LIG1: variants seen among roughly 807,000 people sequenced by gnomAD.
LIG1 encodes the protein ligase I, DNA, ATP-dependent.
LIG1 carries 70 observed loss-of-function variants against 115.7 expected under a neutral mutation model. The observed-to-expected ratio is 0.60, with a 90% CI of 0.50 to 0.74. LIG1 has a LOEUF of 0.74. Ranked by LOEUF, LIG1 falls within the 30% of genes least tolerant of loss-of-function variation. The pLI is 0.00. For missense variants in LIG1, 1,115 were observed against 1,225.6 expected, an observed-to-expected ratio of 0.91 and a Z score of 1.35; for synonymous variants, 487 against 495.3, an observed-to-expected ratio of 0.98 and a Z score of 0.22.
rs1402502877 is a variant in LIG1, at chr19:48,140,860, C to T, written c.915-717G>A. Among the ~76,000 whole-genome samples the T allele has an allele frequency of 2.0e-5, 3 of 152,300 alleles. No homozygotes were observed. In the East Asian group the frequency reaches 5.8e-4, roughly 29 times the overall value. ...CTACACGCCAAATTATCTTTAAAAA[C>T]TCTGCTCCCCACATGCTCAGGGAGA... On this transcript the variant is annotated intron_variant, in intron 11 of 27. Transcript: ENST00000263274.
chr19:48,152,614 C>T (rs2035548700), intron 6 of LIG1, among the ~76,000 whole-genome samples: 1 of 152,062 alleles, frequency 6.6e-6, no homozygotes, highest in African/African-American at 2.4e-5. Flanking sequence ...ACTCACTGGG[C>T]GCTGCAAGAT....
intron 21 of LIG1, chr19:48,126,999 C>A (rs768307595): frequency 8.4e-6 from 4 of 473,426 alleles, no homozygotes; most frequent in East Asian, 3.8e-5. Context: ...GATTCTCCTG[C>A]GTGCTTCTAC....
intron 5 of LIG1, among the ~76,000 whole-genome samples, chr19:48,155,638 G>T (rs2035785403): frequency 6.6e-6 from 1 of 152,140 alleles, no homozygotes; most frequent in African/African-American, 2.4e-5. Flanking sequence ...TAATAAAAAG[G>T]GGGAAAAAAC....
rs2034920280 is a variant in LIG1 at position 48,143,595 on chromosome 19, GA to G, written c.861del (p.Pro288LeufsTer25). 1.9e-6 allele frequency: 3 copies of G among 1,610,258 alleles called. No individual in the cohort carries two copies. The highest frequency in any genetic ancestry group is 2.5e-6 in the Non-Finnish European group (3 of 1,178,770). ...EDACWKPGQKVPYLAVARTFE... is the reference protein window; with the variant it reads ...EDACWKPGQKXPYLAVARTFE... ...AACGTCCGGGCCACAGCCAGGTAAG[GA>G]ACCCTAGGGAAGGAAAAGAGACGCA... On this transcript the variant is annotated frameshift_variant, in exon 11 of 28. Transcript: ENST00000263274. LOFTEE classifies it high-confidence loss of function.
chr19:48,137,346 C>G lies in LIG1; in HGVS notation c.1254+176G>C, dbSNP rs919291898. ...GCCATGGCATTAGGTCTGCTAGACT[C>G]TGAAGAGGAGACTCCCCTAGGATTG... On this transcript the variant is annotated intron_variant, in intron 13 of 27. Transcript: ENST00000263274. This position sits in a 1 kb window ranked among gnomAD's most constrained non-coding sequence, Gnocchi z 4.3. Among the ~76,000 whole-genome samples the G allele has an allele frequency of 6.6e-6, 1 of 152,224 alleles. No homozygotes were observed. Among genetic ancestry groups the G allele is most frequent in the Admixed American group, 6.5e-5 (1 of 15,280 alleles).
Position 48,122,885 on chromosome 19 carries a change from G to A in LIG1, c.2232+49C>T, listed in dbSNP as rs1345738593. The stretch of plus-strand genomic sequence containing the variant: ...CGAAATCCACTGCCTAGCTGGGACA[G>A]ACCTCCAGACCCGGGGTGGAGAAGG... On this transcript the variant is annotated intron_variant, in intron 23 of 27. Transcript: ENST00000263274. This position sits in a 1 kb window ranked among gnomAD's most constrained non-coding sequence, Gnocchi z 4.3. 3 of 1,545,890 alleles carry A rather than the reference G, an allele frequency of 1.9e-6. No homozygotes were observed. Among genetic ancestry groups the A allele is most frequent in the Admixed American group, 1.7e-5 (1 of 59,896 alleles).
intron 16 of LIG1, among the ~76,000 whole-genome samples, chr19:48,134,994 C>T (rs531167005): frequency 2.2e-4 from 33 of 152,346 alleles, no homozygotes; most frequent in African/African-American, 7.7e-4. Flanking sequence ...CCCTCGTGGC[C>T]GCTCCACGGA....
At chr19:48,160,686 G>C (rs1160581275) in intron 4 of LIG1, among the ~76,000 whole-genome samples, 1 of 151,926 alleles carries the variant, frequency 6.6e-6, no homozygotes, top group Non-Finnish European at 1.5e-5. Context: ...AAGTTAAAAA[G>C]CCCTCTGACC....
At chr19:48,120,925 C>T (rs2033220648) in intron 24 of LIG1, 1 of 1,345,842 alleles carries the variant, frequency 7.4e-7, no homozygotes, top group Admixed American at 3.5e-5. Flanking sequence ...TGAGCCACCA[C>T]TATTTGTAGC....
rs768325222 is a variant in LIG1 at position 48,157,043 on chromosome 19, G to A, written c.341C>T (p.Ser114Phe). ...SLSDTSPMDSSPSGIPKRRTA... is the reference protein window; with the variant it reads ...SLSDTSPMDSFPSGIPKRRTA... ...GCGACGCTTCGGAATCCCTGATGGG[G>A]AACTGTCCATGGGAGAGGTGTCAGA... The change falls in exon 5 of 28, where the codon TCC (serine) becomes TTC (phenylalanine). Residue 114 changes from serine to phenylalanine, a missense_variant. Coordinates refer to ENST00000263274, the MANE Select transcript of LIG1 (RefSeq NM_000234.3). 11 of 1,610,404 alleles carry A rather than the reference G, an allele frequency of 6.8e-6. No homozygotes were observed. Among genetic ancestry groups the A allele is most frequent in the Non-Finnish European group, 8.5e-7 (1 of 1,177,840 alleles).
intron 9 of LIG1, 83 bp downstream of exon 9, chr19:48,149,680 G>C (rs2035342591): frequency 9.3e-7 from 1 of 1,076,578 alleles, no homozygotes; most frequent in Non-Finnish European, 1.4e-6. Context: ...AGAGGAGGAA[G>C]CCTGAGCTGG....
chr19:48,152,898 T>C (rs186543447), intron 6 of LIG1, among the ~76,000 whole-genome samples: 49 of 152,216 alleles, frequency 3.2e-4, no homozygotes, highest in Admixed American at 1.4e-3. Context: ...ATTATGGTTA[T>C]TTAAGAACAA....
At chr19:48,163,855 G>C (rs2036326584) in intron 2 of LIG1, among the ~76,000 whole-genome samples, 1 of 151,252 alleles carries the variant, frequency 6.6e-6, no homozygotes, top group Non-Finnish European at 1.5e-5. Context: ...TGAGGCAGGG[G>C]AATGGCCTGA....
At chr19:48,128,357 C>T (rs1286822419) in intron 19 of LIG1, among the ~76,000 whole-genome samples, 1 of 152,144 alleles carries the variant, frequency 6.6e-6, no homozygotes, top group Non-Finnish European at 1.5e-5. Flanking sequence ...TACTGGGCTT[C>T]CCTGTCCTGC....
Position 48,127,990 on chromosome 19 carries a change from G to A in LIG1, c.1852C>T (p.Leu618=), listed in dbSNP as rs1210106066. The A allele has an allele frequency of 6.2e-7, 1 of 1,614,174 alleles. No individual in the cohort carries two copies. The highest frequency in any genetic ancestry group is 1.3e-5 in the African/African-American group (1 of 75,038). ...IKLPSVTSFI[L]DTEAVAWDRE... ...TCCCAAGCCACGGCTTCGGTGTCCA[G>A]GATGAAGGATGTGACCGATGGGAGT... The change falls in exon 20 of 28, where the codon CTG becomes TTG. Residue 618 remains leucine (L), a synonymous_variant. Coordinates refer to ENST00000263274, the MANE Select transcript of LIG1 (RefSeq NM_000234.3).
chr19:48,119,637 C>A (rs571913971), intron 24 of LIG1, among the ~76,000 whole-genome samples: 4 of 146,794 alleles, frequency 2.7e-5, no homozygotes, highest in Admixed American at 1.4e-4. Context: ...CTCCTGGGCT[C>A]AAGCAATCCT....
chr19:48,149,938 G>C, intron 8 of LIG1, 97 bp from the exon 9 acceptor site: 2 of 1,544,138 alleles, frequency 1.3e-6, no homozygotes, highest in African/African-American at 1.4e-5. Context: ...TGCTCAGGGA[G>C]ATGGGAGACA....
Position 48,122,959 on chromosome 19 carries a change from G to A in LIG1, c.2207C>T (p.Ala736Val). The change falls in exon 23 of 28, where the codon GCC becomes GTC. Residue 736 changes from alanine to valine, a missense_variant. Physicochemically the swap from Ala to Val is moderately conservative, Grantham distance 64. Transcript: ENST00000263274. This position sits in a 1 kb window ranked among gnomAD's most constrained non-coding sequence, Gnocchi z 4.3. ...CTTGAGCCAGTTGTGCGATCTCTTG[G>A]CGATCTCGTAGGTGGCATCAACATC... is the stretch of plus-strand genomic sequence containing the variant. The part of the protein sequence containing the change: ...TLDVDATYEI[A>V]KRSHNWLKLK... 3 of 1,613,502 alleles carry A rather than the reference G, an allele frequency of 1.9e-6. No homozygotes were observed. Among genetic ancestry groups the A allele is most frequent in the Non-Finnish European group, 2.5e-6 (3 of 1,179,934 alleles).
intron 17 of LIG1, among the ~76,000 whole-genome samples, chr19:48,133,736 C>T (rs926926986): frequency 1.3e-5 from 2 of 152,180 alleles, no homozygotes; most frequent in Non-Finnish European, 2.9e-5. Context: ...GCTGGGATCA[C>T]AGGCACACGC....
Sources: allele counts gnomAD v4.1 joint callset (sites outside exome capture counted in the v4.1 genomes callset), GRCh38; gene constraint gnomAD v4.1.1; non-coding constraint Gnocchi (gnomAD v3.1); transcripts MANE v1.5; gene names NCBI Gene and HGNC (gene_info 2026-07-23, HGNC 2026-07-21).